Variants in DACH2 observed in about 807,000 individuals in gnomAD.
DACH2 encodes dachshund homolog 2.
In DACH2, 17 loss-of-function variants were observed where a neutral mutation model predicts 35.8. The observed-to-expected ratio is 0.48, with a 90% CI of 0.33 to 0.71. The LOEUF (loss-of-function observed/expected upper bound fraction) is 0.71. DACH2 is among the 30% of genes least tolerant of loss of function. DACH2 has a pLI of 0.02. For missense variants in DACH2, 469 were observed against 472.7 expected, an observed-to-expected ratio of 0.99 and a Z score of 0.07; for synonymous variants, 195 against 177.3, an observed-to-expected ratio of 1.10 and a Z score of -0.79.
intron 3 of DACH2, among the ~76,000 whole-genome samples, chrX:86,598,858 G>A (rs934819241): frequency 1.8e-5 from 2 of 108,323 alleles, no homozygotes; most frequent in Non-Finnish European, 3.8e-5. Flanking sequence ...CAATGTGCAG[G>A]TTTGTTACAT....
intron 5 of DACH2, among the ~76,000 whole-genome samples, chrX:86,707,874 C>G (rs2041234206): frequency 1.2e-5 from 1 of 82,667 alleles, no homozygotes; most frequent in South Asian, 5.9e-4. Context: ...GAGATCACAC[C>G]ACTGTATTCC....
chrX:86,432,877 T>A (rs760737427), intron 2 of DACH2, among the ~76,000 whole-genome samples: 1 of 112,138 alleles, frequency 8.9e-6, no homozygotes, highest in Non-Finnish European at 1.9e-5. Flanking sequence ...CTATTAAGAC[T>A]ACAGGACACA....
chrX:86,613,842 C>T (rs1193192544), intron 3 of DACH2, among the ~76,000 whole-genome samples: 2 of 111,527 alleles, frequency 1.8e-5, no homozygotes, highest in Non-Finnish European at 3.8e-5. Context: ...GGAGTAGCTC[C>T]TTCTACTTTC....
At position 86,516,726 on chromosome X, in the gene DACH2, A is replaced by G. The variant is rs377584225; in HGVS notation, c.640+2335A>G. ...CCTCTCCCTCTTCCTGCCCCTTCTC[A>G]AGTAGACCCCAGTATCTGTTGTTCC... On this transcript the variant is annotated intron_variant, in intron 3 of 11. Transcript: ENST00000373125. 2.0e-3 allele frequency among the ~76,000 whole-genome samples: 218 copies of G among 110,734 alleles called. 1 individual carries two copies. Among genetic ancestry groups the G allele is most frequent in the African/African-American group, 6.4e-3 (197 of 30,570 alleles).
At chrX:86,562,751 A>G (rs1222918678) in intron 3 of DACH2, among the ~76,000 whole-genome samples, 1 of 111,526 alleles carries the variant, frequency 9.0e-6, no homozygotes, top group East Asian at 2.8e-4. Context: ...TGCAGTTTAC[A>G]AAAAGGCACA....
At chrX:86,389,816 G>A (rs894313730) in intron 2 of DACH2, among the ~76,000 whole-genome samples, 6 of 112,042 alleles carry the variant, frequency 5.4e-5, no homozygotes, top group Non-Finnish European at 1.1e-4. Context: ...AATGAATACC[G>A]AATTACTCGA....
In DACH2 at chrX:86,758,856, A is replaced by T. The variant is rs1299151101; in HGVS notation, c.1240+18974A>T. 9.8e-5 allele frequency among the ~76,000 whole-genome samples: 11 copies of T among 112,611 alleles called. No homozygotes were observed. The Admixed American group carries it at 1.0e-3, about 11-fold the overall frequency. On this transcript the variant is annotated intron_variant, in intron 7 of 11. Transcript: ENST00000373125. Reference sequence around the variant, plus strand: ...TGATACAGGCATGAAATGCATAATAATCACATGATACTATATGGGGTACCC... The same window carrying T: ...TGATACAGGCATGAAATGCATAATATTCACATGATACTATATGGGGTACCC...
intron 3 of DACH2, among the ~76,000 whole-genome samples, chrX:86,541,732 T>G (rs1203535892): frequency 6.3e-5 from 7 of 111,769 alleles, no homozygotes; most frequent in African/African-American, 2.3e-4. Flanking sequence ...ATACATTATC[T>G]TATTTGATCT....
chrX:86,320,468 A>G (rs1269211405), intron 1 of DACH2, among the ~76,000 whole-genome samples: 1 of 112,222 alleles, frequency 8.9e-6, no homozygotes, highest in Non-Finnish European at 1.9e-5. Flanking sequence ...GGCTCAGGCA[A>G]GGGCAGTTTT....
At chrX:86,393,115 C>A (rs1169362423) in intron 2 of DACH2, among the ~76,000 whole-genome samples, 1 of 111,101 alleles carries the variant, frequency 9.0e-6, no homozygotes, top group East Asian at 2.9e-4. Context: ...TTATCTAACC[C>A]CTGCCCACCT....
At chrX:86,231,570 G>A (rs2032949403) in intron 1 of DACH2, among the ~76,000 whole-genome samples, 1 of 111,144 alleles carries the variant, frequency 9.0e-6, no homozygotes, top group African/African-American at 3.3e-5. Context: ...ATCCACCGAA[G>A]GCCTGGTCTC....
In DACH2 at chrX:86,437,258, C is replaced by CA. The variant is rs749925790; in HGVS notation, c.527+60396_527+60397insA. ...ATCAAGTTGGGATATTTAGGGTATCCCCACATCGGTATTTATTATTTCTAT... is the reference window on the plus strand; with the variant it reads ...ATCAAGTTGGGATATTTAGGGTATCCACCACATCGGTATTTATTATTTCTAT... On this transcript the variant is annotated intron_variant, in intron 2 of 11. Transcript: ENST00000373125. Among the ~76,000 whole-genome samples, 29 of 111,217 alleles carry CA rather than the reference C, an allele frequency of 2.6e-4. No individual in the cohort carries two copies. In the East Asian group the frequency reaches 2.8e-3, roughly 11 times the overall value.
intron 3 of DACH2, among the ~76,000 whole-genome samples, chrX:86,555,565 A>C (rs746483067): frequency 9.0e-6 from 1 of 111,654 alleles, no homozygotes; most frequent in African/African-American, 3.2e-5. Flanking sequence ...CAAAACTGTT[A>C]GTTTTGGGTA....
At chrX:86,759,962 A>T (rs964947731) in intron 7 of DACH2, among the ~76,000 whole-genome samples, 2 of 111,959 alleles carry the variant, frequency 1.8e-5, no homozygotes, top group Non-Finnish European at 3.8e-5. Flanking sequence ...TTCTTAATAT[A>T]TGAAGTATAA....
chrX:86,245,159 A>G (rs1195931596), intron 1 of DACH2, among the ~76,000 whole-genome samples: 3 of 112,102 alleles, frequency 2.7e-5, no homozygotes, highest in Non-Finnish European at 5.6e-5. Context: ...TAACTGTTAT[A>G]GCTGTCTTAC....
chrX:86,727,582 C>A (rs1317206035), intron 6 of DACH2, among the ~76,000 whole-genome samples: 1 of 110,761 alleles, frequency 9.0e-6, no homozygotes, highest in Non-Finnish European at 1.9e-5. Context: ...GAGGGTGGAT[C>A]CCCCATGAAT....
At chrX:86,163,248 A>G (rs2030828575) in intron 1 of DACH2, among the ~76,000 whole-genome samples, 1 of 110,146 alleles carries the variant, frequency 9.1e-6, no homozygotes, top group South Asian at 3.9e-4. Context: ...TGTGTTTATT[A>G]GTTCAATTGT....
At chrX:86,624,004 C>T (rs1053081415) in intron 3 of DACH2, among the ~76,000 whole-genome samples, 2 of 91,672 alleles carry the variant, frequency 2.2e-5, no homozygotes, top group Non-Finnish European at 2.1e-5. Flanking sequence ...GTCGAGATCG[C>T]GCCACTGCAC....
chrX:86,583,122 A>C (rs902854159), intron 3 of DACH2, among the ~76,000 whole-genome samples: 2 of 111,545 alleles, frequency 1.8e-5, no homozygotes, highest in African/African-American at 6.5e-5. Flanking sequence ...GTAAATCATC[A>C]TCTCAATAGA....
Sources: allele counts gnomAD v4.1 joint callset (sites outside exome capture counted in the v4.1 genomes callset), GRCh38; gene constraint gnomAD v4.1.1; transcripts MANE v1.5; gene names NCBI Gene and HGNC (gene_info 2026-07-23, HGNC 2026-07-21).